KAZN: variants seen among roughly 807,000 people sequenced by gnomAD.
KAZN encodes kazrin.
A neutral mutation model predicts 87.4 loss-of-function variants in KAZN; 40 were observed. That is an observed-to-expected ratio of 0.46 (90% CI 0.36 to 0.60). KAZN has a LOEUF of 0.60. Ranked by LOEUF, KAZN falls within the 20% of genes least tolerant of loss-of-function variation. The pLI is 0.00. For missense variants in KAZN, 898 were observed against 1,073.9 expected, an observed-to-expected ratio of 0.84 and a Z score of 2.29; for synonymous variants, 466 against 458.3, an observed-to-expected ratio of 1.02 and a Z score of -0.22.
chr1:14,502,500 G>C (rs372601402), intron 2 of KAZN, among the ~76,000 whole-genome samples: 2 of 152,070 alleles, frequency 1.3e-5, no homozygotes, highest in East Asian at 3.9e-4. Flanking sequence ...GCAGGAGTAG[G>C]GGGTAGAGAA....
At chr1:13,984,247 T>G (rs553233406) in intron 1 of KAZN, among the ~76,000 whole-genome samples, 1 of 152,264 alleles carries the variant, frequency 6.6e-6, no homozygotes, top group South Asian at 2.1e-4. Flanking sequence ...TCTGACCTCG[T>G]GATCTGCCCG....
intron 1 of KAZN, among the ~76,000 whole-genome samples, chr1:14,144,464 T>G (rs972304030): frequency 6.6e-6 from 1 of 152,136 alleles, no homozygotes; most frequent in African/African-American, 2.4e-5. Context: ...ATTATTATTT[T>G]TTTTTGTAGA....
chr1:14,999,275 G>A (rs1444297680), intron 2 of KAZN, among the ~76,000 whole-genome samples: 1 of 152,204 alleles, frequency 6.6e-6, no homozygotes, highest in Non-Finnish European at 1.5e-5. Context: ...TGGAATCCCA[G>A]GTCTTACTGC....
intron 1 of KAZN, among the ~76,000 whole-genome samples, chr1:13,941,716 G>A (rs1434697492): frequency 1.8e-4 from 27 of 152,124 alleles, no homozygotes. Context: ...CTGACAACAA[G>A]TAGAAAAACC....
At position 14,274,196 on chromosome 1, in the gene KAZN, A is replaced by G. The variant is rs145499006; in HGVS notation, c.249+93604A>G. Among the ~76,000 whole-genome samples the G allele has an allele frequency of 3.0e-3, 461 of 152,328 alleles. 2 individuals are homozygous for G. The highest frequency in any genetic ancestry group is 0.01 in the African/African-American group (433 of 41,568). ...ATTTTTGTACGTGAAAAATGTGATG[A>G]AATGGATGTTTGCACATCTCTCATT... On this transcript the variant is annotated intron_variant, in intron 2 of 16. Coordinates refer to the KAZN transcript ENST00000636203.
At chr1:14,617,952 C>T (rs1026370365) in intron 1 of KAZN, among the ~76,000 whole-genome samples, 1 of 152,206 alleles carries the variant, frequency 6.6e-6, no homozygotes, top group Admixed American at 6.5e-5. Flanking sequence ...TATGCCCAAC[C>T]AGAGTCTTAT....
chr1:14,616,295 G>A (rs1678232751), intron 1 of KAZN, among the ~76,000 whole-genome samples: 1 of 152,126 alleles, frequency 6.6e-6, no homozygotes, highest in Non-Finnish European at 1.5e-5. Context: ...TGTCCCAGCT[G>A]CTACACAGAT....
intron 2 of KAZN, among the ~76,000 whole-genome samples, chr1:14,386,212 C>A (rs1446242022): frequency 6.8e-6 from 1 of 147,316 alleles, no homozygotes; most frequent in Non-Finnish European, 1.5e-5. Flanking sequence ...TGTGTCTCTG[C>A]ACATGAGATG....
At chr1:14,590,014 G>A (rs1289807542) in intron 2 of KAZN, among the ~76,000 whole-genome samples, 1 of 152,000 alleles carries the variant, frequency 6.6e-6, no homozygotes, top group Admixed American at 6.6e-5. Context: ...AAAGTAGGGC[G>A]ATAAAGGCGT....
At chr1:15,089,142 C>G (rs1364058527) in intron 8 of KAZN, among the ~76,000 whole-genome samples, 2 of 152,160 alleles carry the variant, frequency 1.3e-5, no homozygotes, top group Non-Finnish European at 2.9e-5. Flanking sequence ...GACACCCTTT[C>G]TCTCCCCAAA....
At chr1:15,038,069 G>A (rs1180788979) in intron 3 of KAZN, among the ~76,000 whole-genome samples, 1 of 152,096 alleles carries the variant, frequency 6.6e-6, no homozygotes, top group African/African-American at 2.4e-5. Flanking sequence ...CTGGACAACA[G>A]AGTGAGACCT....
At chr1:13,971,448 C>T (rs1642132962) in intron 1 of KAZN, among the ~76,000 whole-genome samples, 1 of 152,158 alleles carries the variant, frequency 6.6e-6, no homozygotes, top group Non-Finnish European at 1.5e-5. Flanking sequence ...ATCAATCTAC[C>T]ACATTTCATG....
At chr1:14,868,009 C>T (rs1399030606) in intron 1 of KAZN, among the ~76,000 whole-genome samples, 2 of 71,788 alleles carry the variant, frequency 2.8e-5, no homozygotes, top group African/African-American at 3.9e-5. Context: ...GCATCACAAA[C>T]GTGGGCATCA....
chr1:14,675,312 G>A (rs1005496798), intron 1 of KAZN, among the ~76,000 whole-genome samples: 6 of 152,242 alleles, frequency 3.9e-5, no homozygotes, highest in South Asian at 2.1e-4. Context: ...CTCAGAGTGC[G>A]TCTGGGATAC....
At chr1:14,316,690 C>T (rs1026570878) in intron 2 of KAZN, among the ~76,000 whole-genome samples, 1 of 151,836 alleles carries the variant, frequency 6.6e-6, no homozygotes, top group Non-Finnish European at 1.5e-5. Flanking sequence ...TTATAGCATT[C>T]AAAGTCATAA....
In KAZN at chr1:14,688,677, A is replaced by G. The variant is rs190610294; in HGVS notation, c.226+89454A>G. 2.5e-3 allele frequency among the ~76,000 whole-genome samples: 387 copies of G among 152,356 alleles called. 2 individuals carry two copies. The highest frequency in any genetic ancestry group is 9.0e-3 in the African/African-American group (373 of 41,586). ...GGGAGAAGTCTTAGCAAAAGAAGAA[A>G]GCTCAACATGATTGCCCACAGTTCT... On this transcript the variant is annotated intron_variant, in intron 1 of 14. Coordinates refer to ENST00000376030, the MANE Select transcript of KAZN (RefSeq NM_201628.3).
intron 1 of KAZN, among the ~76,000 whole-genome samples, chr1:14,025,135 T>C (rs540045578): frequency 6.6e-6 from 1 of 152,176 alleles, no homozygotes; most frequent in Non-Finnish European, 1.5e-5. Flanking sequence ...AGTTGGCCCA[T>C]AGGGGAAGAC....
intron 1 of KAZN, among the ~76,000 whole-genome samples, chr1:14,875,371 T>C (rs907139317): frequency 0.12 from 19 of 156 alleles, no homozygotes; most frequent in African/African-American, 0.25. Flanking sequence ...AGACATTTTA[T>C]GTAAATGTTA....
intron 1 of KAZN, among the ~76,000 whole-genome samples, chr1:14,162,623 C>G (rs1452501232): frequency 2.0e-5 from 3 of 151,090 alleles, no homozygotes; most frequent in Non-Finnish European, 4.4e-5. Context: ...GGGCTCACTG[C>G]AAGCTCCACC....
Sources: gnomAD v4.1 joint callset for allele counts (sites outside exome capture counted in the v4.1 genomes callset) on GRCh38, gnomAD v4.1.1 for gene constraint, MANE v1.5 for transcripts, NCBI Gene and HGNC (gene_info 2026-07-23, HGNC 2026-07-21) for gene names.